The following ZNF638 variants were observed in gnomAD, a reference collection of about 807,000 sequenced individuals.
ZNF638 encodes zinc finger protein 638, also known as CTCL tumor antigen se33-1.
ZNF638 carries 46 observed loss-of-function variants against 195.6 expected under a neutral mutation model. The observed-to-expected ratio is 0.24, with a 90% CI of 0.19 to 0.30. The LOEUF (loss-of-function observed/expected upper bound fraction) is 0.30, where lower values mean the gene tolerates loss of function less well. ZNF638 is among the 10% of genes least tolerant of loss of function. The pLI, the probability that ZNF638 is intolerant of heterozygous loss-of-function variation, is 1.00. For synonymous variants in ZNF638, 845 were observed against 772.0 expected, an observed-to-expected ratio of 1.09 and a Z score of -1.57; for missense variants, 2,440 against 2,325.3, an observed-to-expected ratio of 1.05 and a Z score of -1.01.
chr2:71,381,757 A>AG (rs2079538728), intron 10 of ZNF638, among the ~76,000 whole-genome samples: 1 of 152,170 alleles, frequency 6.6e-6, no homozygotes, highest in Non-Finnish European at 1.5e-5. Context: ...GAAATCCTTC[A>AG]GGAAAGAAAC....
intron 20 of ZNF638, 39 bp from the exon 21 acceptor site, chr2:71,418,563 A>G (rs376622072): frequency 6.7e-5 from 93 of 1,383,190 alleles, no homozygotes; most frequent in Non-Finnish European, 8.8e-5. Flanking sequence ...TTTCAAATCC[A>G]GTGGAATAGC....
intron 3 of ZNF638, among the ~76,000 whole-genome samples, chr2:71,359,035 C>G (rs182640514): frequency 6.6e-6 from 1 of 152,282 alleles, no homozygotes; most frequent in East Asian, 1.9e-4. Flanking sequence ...CTAAACATAA[C>G]TTTTATTTGC....
intron 4 of ZNF638, 108 bp downstream of exon 4, chr2:71,363,299 A>G (rs2079139451): frequency 4.8e-6 from 4 of 831,306 alleles, no homozygotes; most frequent in African/African-American, 1.7e-5. Flanking sequence ...CATTTAAACA[A>G]CAGGCAAATG....
At chr2:71,333,909 G>A (rs2078617744) in intron 1 of ZNF638, among the ~76,000 whole-genome samples, 1 of 152,194 alleles carries the variant, frequency 6.6e-6, no homozygotes, top group Admixed American at 6.5e-5. Context: ...AAATTGAAGT[G>A]CTTAGGCAGC....
chr2:71,363,517 T>TGTACACACAC, intron 4 of ZNF638, among the ~76,000 whole-genome samples: 1 of 152,370 alleles, frequency 6.6e-6, no homozygotes, highest in East Asian at 1.9e-4. Context: ...AGGTTATGTG[T>TGTACACACAC]GTACACACAC....
At chr2:71,434,036 G>A (rs1478591811) in intron 27 of ZNF638, among the ~76,000 whole-genome samples, 1 of 152,150 alleles carries the variant, frequency 6.6e-6, no homozygotes, top group Non-Finnish European at 1.5e-5. Flanking sequence ...TGCTACCTGT[G>A]TGCTTAACTT....
At chr2:71,380,638 C>A in intron 10 of ZNF638, 73 bp downstream of exon 10, 2 of 1,266,184 alleles carry the variant, frequency 1.6e-6, no homozygotes, top group Non-Finnish European at 2.2e-6. Flanking sequence ...GATGATGATG[C>A]TATGAAGACA....
At chr2:71,355,192 G>A (rs578160860) in intron 2 of ZNF638, among the ~76,000 whole-genome samples, 115 of 152,154 alleles carry the variant, frequency 7.6e-4, no homozygotes, top group African/African-American at 2.7e-3. Flanking sequence ...TCCTGAACTC[G>A]TGATCCGCCC....
chr2:71,363,243 A>T, intron 4 of ZNF638, 52 bp downstream of exon 4: 2 of 1,322,600 alleles, frequency 1.5e-6, no homozygotes, highest in Non-Finnish European at 2.1e-6. Flanking sequence ...TTTTAAAAGT[A>T]AACAGTTAAT....
rs377300492 is a variant in ZNF638, at chr2:71,423,396, A to T, written c.3882A>T (p.Thr1294=). ...GAATTCCCACTGGGGATGAGAAGAC[A>T]GTGGACAAAAAGAATATTTCTGAAA... The part of the protein sequence containing the change: ...VPGIPTGDEK[T]VDKKNISEKK... Residue 1294 remains threonine (T), a synonymous_variant, in exon 22 of 28, where the codon ACA becomes ACT. Transcript: ENST00000264447. 5 of 1,614,000 alleles carry T rather than the reference A, an allele frequency of 3.1e-6. No homozygotes were observed. The highest frequency in any genetic ancestry group is 4.2e-6 in the Non-Finnish European group (5 of 1,180,000).
At chr2:71,359,214 G>T (rs1236872873) in intron 3 of ZNF638, among the ~76,000 whole-genome samples, 1 of 152,172 alleles carries the variant, frequency 6.6e-6, no homozygotes, top group East Asian at 1.9e-4. Flanking sequence ...CTGTCTGTGT[G>T]TTGAAGACTC....
intron 20 of ZNF638, among the ~76,000 whole-genome samples, chr2:71,411,145 G>A (rs1441405934): frequency 6.6e-6 from 1 of 151,104 alleles, no homozygotes; most frequent in Non-Finnish European, 1.5e-5. Flanking sequence ...CTACAGGCAC[G>A]CCCTACCATG....
intron 24 of ZNF638, 66 bp downstream of exon 24, chr2:71,427,480 A>T (rs2152606558): frequency 8.2e-7 from 1 of 1,220,352 alleles, no homozygotes; most frequent in South Asian, 1.6e-5. Context: ...TAATTTTAAA[A>T]TACATGTTGT....
intron 3 of ZNF638, among the ~76,000 whole-genome samples, chr2:71,360,561 G>A (rs1424185832): frequency 1.3e-5 from 2 of 151,138 alleles, no homozygotes; most frequent in African/African-American, 4.9e-5. Context: ...TCTTTGTTTC[G>A]TTTGTTTTTT....
In ZNF638 at chr2:71,423,026, G is replaced by A; in HGVS notation, c.3512G>A (p.Gly1171Glu). Residue 1171 changes from glycine to glutamate, a missense_variant, in exon 22 of 28, where the codon GGA becomes GAA. Gly to Glu is a moderately conservative substitution (Grantham distance 98). This residue lies in a region of ZNF638 where 1,883 missense variants were observed against 1,739.1 expected (regional missense o/e 1.08). Coordinates refer to ENST00000264447, the MANE Select transcript of ZNF638 (RefSeq NM_014497.5). The stretch of plus-strand genomic sequence containing the variant: ...GAAACTTTGGAGCTTGAAACTCAAG[G>A]AGAGGAGGTCAAAGAAGAAATTCCT... ...AVETLELETQ[G>E]EEVKEEIPLV... is the part of the protein sequence containing the mutation. The A allele has an allele frequency of 6.2e-7, 1 of 1,614,114 alleles. No individual in the cohort carries two copies. The highest frequency in any genetic ancestry group is 1.1e-5 in the South Asian group (1 of 91,072).
rs6714975 is a variant in ZNF638, at chr2:71,406,259, C to T, written c.3132C>T (p.Asn1044=). The change falls in exon 19 of 28, where the codon AAC becomes AAT. Residue 1044 remains asparagine (N), a synonymous_variant. Coordinates refer to ENST00000264447, the MANE Select transcript of ZNF638 (RefSeq NM_014497.5). ...ACCATGTATTCATAAGTAATAGAAACAAGGTAACAAGTTCCCTCATAATTT... is the reference window on the plus strand; with the variant it reads ...ACCATGTATTCATAAGTAATAGAAATAAGGTAACAAGTTCCCTCATAATTT... The part of the protein sequence containing the change: ...VDHHVFISNR[N]KAILQLDSPE... The T allele has an allele frequency of 0.55, 877,099 of 1,601,602 alleles. 246,884 individuals are homozygous for T. The highest frequency in any genetic ancestry group is 0.63 in the Admixed American group (37,595 of 59,934).
intron 21 of ZNF638, 122 bp from the exon 22 acceptor site, chr2:71,422,692 A>G: frequency 3.0e-6 from 3 of 1,006,908 alleles, no homozygotes; most frequent in South Asian, 3.4e-5. Flanking sequence ...TTACGAATGC[A>G]TCAGGAAGTC....
rs546441572 is a variant in ZNF638, at chr2:71,339,143, G to A, written c.-203+7268G>A. ...CTTAAGGCTTTTAATGCATTTAGTC[G>A]GTTTAGGTTTTTTTTTTTTTTTTTT... On this transcript the variant is annotated intron_variant, in intron 1 of 27. Coordinates refer to ENST00000264447, the MANE Select transcript of ZNF638 (RefSeq NM_014497.5). 2.2e-3 allele frequency among the ~76,000 whole-genome samples: 279 copies of A among 126,888 alleles called. 2 individuals are homozygous for A. The highest frequency in any genetic ancestry group is 3.4e-3 in the Non-Finnish European group (215 of 62,396). 83.2% of individuals were successfully genotyped at this position (126,888 alleles called of 152,430 possible).
intron 20 of ZNF638, among the ~76,000 whole-genome samples, chr2:71,417,764 A>G (rs1288221066): frequency 6.6e-6 from 1 of 151,996 alleles, no homozygotes; most frequent in African/African-American, 2.4e-5. Flanking sequence ...AGTTTTGGGC[A>G]GTATCATTAG....
Sources: allele counts gnomAD v4.1 joint callset (sites outside exome capture counted in the v4.1 genomes callset), GRCh38; gene constraint gnomAD v4.1.1; regional missense constraint gnomAD v4.1.1; transcripts MANE v1.5; gene names NCBI Gene and HGNC (gene_info 2026-07-23, HGNC 2026-07-21).